The following FHOD3 variants were observed in gnomAD, a reference collection of about 807,000 sequenced individuals.
FHOD3 encodes FH1/FH2 domain-containing protein 3.
FHOD3 carries 90 observed loss-of-function variants against 173.0 expected under a neutral mutation model. The ratio of observed to expected loss-of-function variants is 0.52; its 90% CI spans 0.44 to 0.62. The LOEUF (loss-of-function observed/expected upper bound fraction) is 0.62, where lower values mean the gene tolerates loss of function less well. Ranked by LOEUF, FHOD3 falls within the 20% of genes least tolerant of loss-of-function variation. The pLI, the probability that FHOD3 is intolerant of heterozygous loss-of-function variation, is 0.00. For synonymous variants in FHOD3, 828 were observed against 823.0 expected, an observed-to-expected ratio of 1.01 and a Z score of -0.10; for missense variants, 1,945 against 2,034.7, an observed-to-expected ratio of 0.96 and a Z score of 0.85.
At chr18:36,675,164 A>G (rs752232896) in intron 14 of FHOD3, among the ~76,000 whole-genome samples, 19 of 151,816 alleles carry the variant, frequency 1.3e-4, no homozygotes, top group Non-Finnish European at 1.2e-4. Context: ...TCATGTCCCC[A>G]CCCTCCATGG....
chr18:36,428,937 C>T (rs750074162), intron 3 of FHOD3, among the ~76,000 whole-genome samples: 5 of 152,248 alleles, frequency 3.3e-5, no homozygotes, highest in East Asian at 3.9e-4. Flanking sequence ...TGGCTAGGCA[C>T]GCCAAGCTTC....
Position 36,355,575 on chromosome 18 carries a change from G to A in FHOD3, c.202G>A (p.Ala68Thr), listed in dbSNP as rs772371175. 2.4e-5 allele frequency: 38 copies of A among 1,613,988 alleles called. No individual in the cohort carries two copies. The highest frequency in any genetic ancestry group is 4.0e-5 in the African/African-American group (3 of 74,902). ...TACTCTGCAGCTCTCTCACAATGGC[G>A]CCTACCTGGATTTGGAGGCCACCCT... ...DCTLQLSHNGAYLDLEATLAE... is the reference protein window; with the variant it reads ...DCTLQLSHNGTYLDLEATLAE... The change falls in exon 2 of 29, where the codon GCC becomes ACC. Residue 68 changes from alanine (A) to threonine (T), a missense_variant. Transcript: ENST00000590592.
intron 14 of FHOD3, among the ~76,000 whole-genome samples, chr18:36,665,544 G>A (rs564211733): frequency 5.3e-5 from 8 of 151,612 alleles, no homozygotes; most frequent in Non-Finnish European, 1.0e-4. Flanking sequence ...AGTCACTAAT[G>A]TAAGGCAAAT....
In FHOD3 at chr18:36,372,819, T is replaced by A. The variant is rs1351587254; in HGVS notation, c.337+75T>A. On this transcript the variant is annotated intron_variant, in intron 3 of 28. Coordinates refer to ENST00000590592, the MANE Select transcript of FHOD3 (RefSeq NM_001281740.3). Reference sequence around the variant, plus strand: ...TTATGGGAATAAAATAAAGATTCACTGTTATGCTGTCTGTTTGCACTAGCC... The same window carrying A: ...TTATGGGAATAAAATAAAGATTCACAGTTATGCTGTCTGTTTGCACTAGCC... 3.9e-6 allele frequency: 5 copies of A among 1,275,928 alleles called. No individual in the cohort carries two copies. In the Middle Eastern group the frequency reaches 5.6e-4, roughly 142 times the overall value. The allele number at this position is 1,275,928 out of a possible 1,614,324, so 79.0% of individuals were successfully genotyped here.
intron 3 of FHOD3, among the ~76,000 whole-genome samples, chr18:36,426,422 G>C (rs1344858709): frequency 6.6e-6 from 1 of 152,112 alleles, no homozygotes. Context: ...CAGTTAAGAA[G>C]ATTTGTCCCT....
At chr18:36,410,656 A>G (rs2049311945) in intron 3 of FHOD3, among the ~76,000 whole-genome samples, 1 of 152,156 alleles carries the variant, frequency 6.6e-6, no homozygotes, top group Non-Finnish European at 1.5e-5. Flanking sequence ...CCAATGTGGT[A>G]AGAATTTGTT....
At chr18:36,495,736 C>A (rs917023422) in intron 3 of FHOD3, among the ~76,000 whole-genome samples, 1 of 152,166 alleles carries the variant, frequency 6.6e-6, no homozygotes, top group African/African-American at 2.4e-5. Context: ...GTCATATGTG[C>A]ACATGCCTCT....
intron 3 of FHOD3, among the ~76,000 whole-genome samples, chr18:36,373,486 G>A (rs981936864): frequency 6.6e-6 from 1 of 152,100 alleles, no homozygotes; most frequent in African/African-American, 2.4e-5. Flanking sequence ...ATTATTTCTG[G>A]TCCTTCCTTC....
At chr18:36,367,424 C>T (rs994273879) in intron 2 of FHOD3, among the ~76,000 whole-genome samples, 4 of 152,074 alleles carry the variant, frequency 2.6e-5, no homozygotes, top group East Asian at 1.9e-4. Context: ...GAAAGGAATC[C>T]GAGTCTCCCT....
chr18:36,657,970 C>A (rs2036531624), intron 13 of FHOD3, 105 bp from the exon 14 acceptor site: 1 of 789,900 alleles, frequency 1.3e-6, no homozygotes, highest in Non-Finnish European at 2.1e-6. Context: ...CATTTCCAGA[C>A]CTGTTTCTCT....
chr18:36,759,592 G>A (rs567249708), intron 26 of FHOD3, among the ~76,000 whole-genome samples: 7 of 152,238 alleles, frequency 4.6e-5, no homozygotes, highest in African/African-American at 1.7e-4. Context: ...TCTGATGTGT[G>A]ACCATTTCCT....
chr18:36,739,829 A>G (rs1029226601), intron 20 of FHOD3, among the ~76,000 whole-genome samples: 1 of 152,172 alleles, frequency 6.6e-6, no homozygotes. Flanking sequence ...TGTTAAACTC[A>G]CTTCTTTGTT....
rs555521169 is a variant in FHOD3 at position 36,495,229 on chromosome 18, C to G, written c.338-6703C>G. On this transcript the variant is annotated intron_variant, in intron 3 of 28. Transcript: ENST00000590592. ...GTGCTGGGATTACACGTGTGAGCCA[C>G]TGTGCCCGGCCTTTTTATGCTTTTT... Among the ~76,000 whole-genome samples the G allele has an allele frequency of 1.1e-4, 16 of 152,308 alleles. No homozygotes were observed. In the South Asian group the frequency reaches 3.3e-3, roughly 32 times the overall value.
chr18:36,548,110 T>A (rs1599604857), intron 5 of FHOD3, among the ~76,000 whole-genome samples: 2 of 152,132 alleles, frequency 1.3e-5, no homozygotes, highest in East Asian at 3.9e-4. Context: ...GAGAATCGCT[T>A]GAACCCAGGA....
intron 3 of FHOD3, among the ~76,000 whole-genome samples, chr18:36,484,169 A>T (rs781578698): frequency 2.6e-5 from 4 of 152,262 alleles, no homozygotes; most frequent in African/African-American, 4.8e-5. Context: ...CCAGCTGTGG[A>T]TAATTCTTAG....
At position 36,779,890 on chromosome 18, in the gene FHOD3, G is replaced by A; in HGVS notation, c.*360G>A. 1 of 434,254 alleles carries A rather than the reference G, an allele frequency of 2.3e-6. No individual in the cohort carries two copies. 26.9% of individuals were successfully genotyped at this position (434,254 alleles called of 1,614,324 possible). On this transcript the variant is annotated 3_prime_UTR_variant, in exon 29 of 29. Coordinates refer to ENST00000590592, the MANE Select transcript of FHOD3 (RefSeq NM_001281740.3). ...ATGAGGCAATCTGATTAGCTTCACA[G>A]ACTGAGTCTCCACAACACCAAAATA...
intron 5 of FHOD3, among the ~76,000 whole-genome samples, chr18:36,514,211 T>G (rs8096123): frequency 0.58 from 87,611 of 151,310 alleles, 25,408 homozygotes; most frequent in East Asian, 0.61. Context: ...GGGTTTCACC[T>G]TGTTAGCCAG....
chr18:36,346,441 T>C (rs1012697747), intron 1 of FHOD3, among the ~76,000 whole-genome samples: 35 of 152,186 alleles, frequency 2.3e-4, no homozygotes, highest in Non-Finnish European at 1.2e-4. Flanking sequence ...AAACAGCTAT[T>C]AGGCCAGTGT....
At chr18:36,705,806 A>C (rs1019022133) in intron 17 of FHOD3, among the ~76,000 whole-genome samples, 1 of 152,180 alleles carries the variant, frequency 6.6e-6, no homozygotes, top group Non-Finnish European at 1.5e-5. Flanking sequence ...TTGTTGCCAA[A>C]GGTCATAGCT....
Sources: gnomAD v4.1 joint callset for allele counts (sites outside exome capture counted in the v4.1 genomes callset) on GRCh38, gnomAD v4.1.1 for gene constraint, MANE v1.5 for transcripts, NCBI Gene and HGNC (gene_info 2026-07-23, HGNC 2026-07-21) for gene names.